Variants in PRKAA1 observed in about 807,000 individuals in gnomAD.
PRKAA1 encodes 5'-AMP-activated protein kinase catalytic subunit alpha-1.
PRKAA1 carries 23 observed loss-of-function variants against 56.9 expected under a neutral mutation model. The ratio of observed to expected loss-of-function variants is 0.40; its 90% CI spans 0.29 to 0.57. PRKAA1 has a LOEUF of 0.57. Ranked by LOEUF, PRKAA1 falls within the 20% of genes least tolerant of loss-of-function variation. The probability of loss-of-function intolerance (pLI) is 0.39; values close to 1 mark genes in which losing one functional copy is unlikely to be tolerated. For missense variants in PRKAA1, 413 were observed against 679.7 expected (o/e 0.61, Z 4.36); for synonymous variants, 226 against 227.0 (o/e 1.00, Z 0.04).
At chr5:40,764,436 A>C in intron 8 of PRKAA1, 78 bp downstream of exon 8, 2 of 1,351,652 alleles carry the variant, frequency 1.5e-6, no homozygotes, top group Non-Finnish European at 2.0e-6. Flanking sequence ...CAAGTCAAGA[A>C]GCCTCAAAAG....
chr5:40,781,576 A>C (rs1744267845), intron 1 of PRKAA1, among the ~76,000 whole-genome samples: 1 of 152,186 alleles, frequency 6.6e-6, no homozygotes. Context: ...GGATTTTACA[A>C]AGGCACTGGA....
chr5:40,767,386 T>C (rs553341673), intron 6 of PRKAA1, 80 bp downstream of exon 6: 11 of 1,225,022 alleles, frequency 9.0e-6, no homozygotes, highest in South Asian at 4.3e-5. Context: ...CTGTATATTC[T>C]GTTCTGCAAC....
intron 1 of PRKAA1, 51 bp downstream of exon 1, chr5:40,798,012 A>C (rs1191803328): frequency 1.3e-6 from 2 of 1,588,378 alleles, no homozygotes; most frequent in Admixed American, 1.7e-5. Flanking sequence ...GGAAAGCGGA[A>C]GTCGTGCGGC....
intron 3 of PRKAA1, among the ~76,000 whole-genome samples, chr5:40,773,083 G>T (rs1280641558): frequency 6.6e-6 from 1 of 152,148 alleles, no homozygotes; most frequent in Non-Finnish European, 1.5e-5. Flanking sequence ...ACTCCAATAT[G>T]CAATTCTCTA....
chr5:40,790,784 C>T (rs1043202460), intron 1 of PRKAA1, among the ~76,000 whole-genome samples: 23 of 152,148 alleles, frequency 1.5e-4, no homozygotes, highest in African/African-American at 5.1e-4. Flanking sequence ...GTGATCTGCC[C>T]GCCTTAGCCT....
At chr5:40,784,380 C>T (rs996971317) in intron 1 of PRKAA1, among the ~76,000 whole-genome samples, 8 of 152,138 alleles carry the variant, frequency 5.3e-5, no homozygotes, top group African/African-American at 1.4e-4. Context: ...TCCACCACTC[C>T]TACCCCACCA....
chr5:40,785,675 CTA>C (rs1202481990), intron 1 of PRKAA1, among the ~76,000 whole-genome samples: 1 of 152,094 alleles, frequency 6.6e-6, no homozygotes, highest in Admixed American at 6.5e-5. Context: ...CCCACAAAAT[CTA>C]TGTCAACCCA....
At chr5:40,785,835 CACACAGAGAGAGAG>C (rs141441632) in intron 1 of PRKAA1, among the ~76,000 whole-genome samples, 27,717 of 142,032 alleles carry the variant, frequency 0.2, 2,994 homozygotes, top group African/African-American at 0.31. Context: ...CACACACACA[CACACAGAGAGAGAG>C]AGAGAGAGAG....
intron 1 of PRKAA1, among the ~76,000 whole-genome samples, chr5:40,783,123 T>A (rs1389466028): frequency 6.6e-6 from 1 of 152,088 alleles, no homozygotes; most frequent in African/African-American, 2.4e-5. Flanking sequence ...ATGATCAGGA[T>A]CTTTTCTTTT....
intron 4 of PRKAA1, among the ~76,000 whole-genome samples, chr5:40,770,255 G>A (rs1743669694): frequency 1.3e-5 from 2 of 152,134 alleles, no homozygotes; most frequent in Non-Finnish European, 2.9e-5. Context: ...TTCAGCTCAG[G>A]AGTTCGAGTC....
intron 1 of PRKAA1, among the ~76,000 whole-genome samples, chr5:40,792,051 T>A (rs3805490): frequency 0.21 from 32,668 of 152,226 alleles, 4,348 homozygotes; most frequent in Admixed American, 0.38. Context: ...CAAAAGCATC[T>A]ATGGTGCAAC....
At chr5:40,797,001 A>G (rs1047236519) in intron 1 of PRKAA1, among the ~76,000 whole-genome samples, 2 of 152,246 alleles carry the variant, frequency 1.3e-5, no homozygotes, top group African/African-American at 2.4e-5. Context: ...CATGCCTTAC[A>G]AAACTTGCAA....
chr5:40,792,520 T>C (rs1409533340), intron 1 of PRKAA1, among the ~76,000 whole-genome samples: 1 of 152,220 alleles, frequency 6.6e-6, no homozygotes, highest in Non-Finnish European at 1.5e-5. Flanking sequence ...TACCAATTTA[T>C]ACTCTACCAG....
intron 3 of PRKAA1, chr5:40,774,901 T>G: frequency 6.5e-7 from 1 of 1,548,820 alleles, no homozygotes; most frequent in Middle Eastern, 1.7e-4. Flanking sequence ...TCCTTCCAGC[T>G]GTAAATTCTT....
At chr5:40,773,859 G>C (rs928026086) in intron 3 of PRKAA1, among the ~76,000 whole-genome samples, 1 of 152,288 alleles carries the variant, frequency 6.6e-6, no homozygotes, top group African/African-American at 2.4e-5. Context: ...AACCAGCTCT[G>C]CTCTCAAGGA....
At chr5:40,766,667 G>T (rs1480519713) in intron 6 of PRKAA1, among the ~76,000 whole-genome samples, 1 of 151,922 alleles carries the variant, frequency 6.6e-6, no homozygotes, top group Non-Finnish European at 1.5e-5. Context: ...CATGAGATAA[G>T]AAATAAAATA....
At chr5:40,768,367 T>C (rs955295762) in intron 5 of PRKAA1, 2 of 851,424 alleles carry the variant, frequency 2.3e-6, no homozygotes, top group Non-Finnish European at 2.8e-6. Flanking sequence ...ATTTCAGTAA[T>C]AGCCCATTGC....
intron 1 of PRKAA1, among the ~76,000 whole-genome samples, chr5:40,792,412 T>C (rs1199086528): frequency 2.0e-5 from 3 of 152,212 alleles, no homozygotes; most frequent in Non-Finnish European, 4.4e-5. Flanking sequence ...GAATAACCCA[T>C]TATTTCATAC....
chr5:40,771,916 C>CAAAGTAA, intron 3 of PRKAA1, 53 bp from the exon 4 acceptor site: 1 of 1,570,124 alleles, frequency 6.4e-7, no homozygotes, highest in East Asian at 2.2e-5. Context: ...AGTAAATTGT[C>CAAAGTAA]CTATCTATAA....
Sources: allele counts gnomAD v4.1 joint callset (sites outside exome capture counted in the v4.1 genomes callset), GRCh38; gene constraint gnomAD v4.1.1; transcripts MANE v1.5; gene names NCBI Gene and HGNC (gene_info 2026-07-23, HGNC 2026-07-21).